The following ADGRA3 variants were observed in gnomAD, a reference collection of about 807,000 sequenced individuals.
The protein encoded by ADGRA3 is G-protein coupled receptor 125.
In ADGRA3, 56 loss-of-function variants were observed where a neutral mutation model predicts 119.8. The observed-to-expected ratio is 0.47, with a 90% CI of 0.38 to 0.58. The LOEUF (loss-of-function observed/expected upper bound fraction) is 0.58. Ranked by LOEUF, ADGRA3 falls within the 20% of genes least tolerant of loss-of-function variation. The pLI is 0.00. For synonymous variants in ADGRA3, 607 were observed against 623.8 expected (o/e 0.97, Z 0.40); for missense variants, 1,516 against 1,649.0 (o/e 0.92, Z 1.40).
chr4:22,458,136 T>C (rs887536542), intron 3 of ADGRA3, among the ~76,000 whole-genome samples: 5 of 152,174 alleles, frequency 3.3e-5, no homozygotes, highest in African/African-American at 4.8e-5. Context: ...GAAATAAAAA[T>C]CATTCAGCAT....
chr4:22,404,811 T>A (rs140686631), intron 14 of ADGRA3, among the ~76,000 whole-genome samples: 2 of 152,166 alleles, frequency 1.3e-5, no homozygotes, highest in African/African-American at 4.8e-5. Flanking sequence ...AGTAGGGAAA[T>A]TCAAAGAAAT....
chr4:22,433,390 C>CA (rs1404903517), intron 10 of ADGRA3, among the ~76,000 whole-genome samples: 1 of 152,112 alleles, frequency 6.6e-6, no homozygotes, highest in African/African-American at 2.4e-5. Flanking sequence ...AACTATTTTG[C>CA]AAAACTGTTC....
chr4:22,477,504 A>C (rs1277196385), intron 1 of ADGRA3: 1 of 152,226 alleles, frequency 6.6e-6, no homozygotes, highest in Middle Eastern at 3.2e-3. Flanking sequence ...GAACAGGGAA[A>C]TGAAAACTAC....
In ADGRA3 at chr4:22,461,952, A is replaced by G. The variant is rs1717477700; in HGVS notation, c.330-144T>C. The G allele has an allele frequency of 6.5e-6, 3 of 464,272 alleles. No homozygotes were observed. In the South Asian group the frequency reaches 1.6e-4, roughly 24 times the overall value. 28.8% of individuals were successfully genotyped at this position (464,272 alleles called of 1,614,324 possible). ...AGCCAAAAGGGTTAAGCCAAGATCA[A>G]CCCAGTAGTAAAAGGGAGAGTCAGA... On this transcript the variant is annotated intron_variant, in intron 2 of 18. Transcript: ENST00000334304.
chr4:22,460,020 C>T (rs889637684), intron 3 of ADGRA3, among the ~76,000 whole-genome samples: 1 of 152,174 alleles, frequency 6.6e-6, no homozygotes, highest in Non-Finnish European at 1.5e-5. Flanking sequence ...GATCAAAGAA[C>T]TAAACTACTG....
At chr4:22,463,386 A>G (rs1454642968) in intron 2 of ADGRA3, among the ~76,000 whole-genome samples, 1 of 152,222 alleles carries the variant, frequency 6.6e-6, no homozygotes, top group Admixed American at 6.5e-5. Context: ...GCCACCTGTC[A>G]GCACAACACT....
chr4:22,405,307 A>C (rs1255677471), intron 14 of ADGRA3, among the ~76,000 whole-genome samples: 1 of 152,178 alleles, frequency 6.6e-6, no homozygotes, highest in Admixed American at 6.5e-5. Flanking sequence ...GGGAGGCCCA[A>C]GGCAGGAGGA....
intron 10 of ADGRA3, among the ~76,000 whole-genome samples, chr4:22,425,030 G>A (rs888265088): frequency 2.0e-5 from 3 of 151,060 alleles, no homozygotes; most frequent in Non-Finnish European, 2.9e-5. Context: ...AGCCGAGATC[G>A]TGCCACTGCA....
chr4:22,493,960 T>C (rs1718719551), intron 1 of ADGRA3, among the ~76,000 whole-genome samples: 1 of 151,998 alleles, frequency 6.6e-6, no homozygotes, highest in African/African-American at 2.4e-5. Context: ...ATCCCAGCAC[T>C]TTGGGAGGCC....
At chr4:22,453,569 G>T (rs1717137211) in intron 4 of ADGRA3, among the ~76,000 whole-genome samples, 1 of 152,130 alleles carries the variant, frequency 6.6e-6, no homozygotes, top group Non-Finnish European at 1.5e-5. Flanking sequence ...TGAAATACAA[G>T]AAACATTCTA....
At position 22,390,337 on chromosome 4, in the gene ADGRA3, TAAA is replaced by T. The variant is rs1553871414; in HGVS notation, c.2628-1157_2628-1155del. Among the ~76,000 whole-genome samples, 279 of 89,050 alleles carry T rather than the reference TAAA, an allele frequency of 3.1e-3. 6 individuals are homozygous for T. The highest frequency in any genetic ancestry group is 0.011 in the African/African-American group (259 of 22,524). The allele number at this position is 89,050 out of a possible 152,430, so 58.4% of individuals were successfully genotyped here. A position where few individuals can be genotyped will look rare whatever the true frequency, so the allele number is the denominator to read the frequency against. On this transcript the variant is annotated intron_variant, in intron 17 of 18. Coordinates refer to ENST00000334304, the MANE Select transcript of ADGRA3 (RefSeq NM_145290.4). ...TCTACTGCTTATATATATATATATA[TAAA>T]ATACATATTATATATATATAATACG...
Position 22,387,975 on chromosome 4 carries a change from G to A in ADGRA3, c.3696C>T (p.Tyr1232=). The A allele has an allele frequency of 6.2e-7, 1 of 1,614,176 alleles. No homozygotes were observed. Among genetic ancestry groups the A allele is most frequent in the South Asian group, 1.1e-5 (1 of 91,092 alleles). The change falls in exon 19 of 19, where the codon TAC becomes TAT. Residue 1232 remains tyrosine (Y), a synonymous_variant. Coordinates refer to ENST00000334304, the MANE Select transcript of ADGRA3 (RefSeq NM_145290.4). ...RAYLAYRERQ[Y]NPPQQDSSDA... ...CGCTGCTGTCTTGCTGGGGTGGGTT[G>A]TACTGTCTCTCTCTGTAGGCTAAAT...
intron 17 of ADGRA3, among the ~76,000 whole-genome samples, chr4:22,391,921 C>T (rs939715264): frequency 6.6e-6 from 1 of 151,654 alleles, no homozygotes; most frequent in Non-Finnish European, 1.5e-5. Context: ...TTTCAAAGAA[C>T]CTATCTCCAC....
intron 1 of ADGRA3, among the ~76,000 whole-genome samples, chr4:22,498,451 T>C (rs1174359802): frequency 1.3e-5 from 2 of 151,508 alleles, no homozygotes; most frequent in African/African-American, 2.4e-5. Flanking sequence ...AAACCTCGTC[T>C]CTACTAAAAA....
Position 22,443,715 on chromosome 4 carries a change from TTA to T in ADGRA3, c.707-854_707-853del, listed in dbSNP as rs1325298346. On this transcript the variant is annotated intron_variant, in intron 6 of 18. Coordinates refer to ENST00000334304, the MANE Select transcript of ADGRA3 (RefSeq NM_145290.4). ...ACTTAAAAAAGGTTATAAAATATCA[TTA>T]GAGTGTAACGATATTTTGGTTAAAA... Among the ~76,000 whole-genome samples the T allele has an allele frequency of 2.6e-5, 4 of 152,140 alleles. No individual in the cohort carries two copies. The South Asian group carries it at 6.2e-4, about 24-fold the overall frequency.
intron 1 of ADGRA3, among the ~76,000 whole-genome samples, chr4:22,498,471 A>G (rs1417113561): frequency 6.6e-6 from 1 of 151,106 alleles, no homozygotes; most frequent in Non-Finnish European, 1.5e-5. Context: ...ATACAAAATT[A>G]GCAGGGCATG....
rs146362800 is a variant in ADGRA3 at position 22,467,242 on chromosome 4, G to A, written c.330-5434C>T. Reference sequence around the variant, plus strand: ...ATGGCATTGCCCTTTCAATTCTTCCGTATGTTTAAAATTCTTCATAATCAA... The same window carrying A: ...ATGGCATTGCCCTTTCAATTCTTCCATATGTTTAAAATTCTTCATAATCAA... On this transcript the variant is annotated intron_variant, in intron 2 of 18. Transcript: ENST00000334304. 1.6e-4 allele frequency among the ~76,000 whole-genome samples: 24 copies of A among 152,182 alleles called. No individual in the cohort carries two copies. In the East Asian group the frequency reaches 1.7e-3, roughly 11 times the overall value.
At chr4:22,486,011 A>T (rs1718421045) in intron 1 of ADGRA3, among the ~76,000 whole-genome samples, 1 of 152,090 alleles carries the variant, frequency 6.6e-6, no homozygotes, top group Admixed American at 6.5e-5. Context: ...CTGTTAAGAA[A>T]ATCCATTTTT....
At chr4:22,513,877 G>T (rs1719547718) in intron 1 of ADGRA3, among the ~76,000 whole-genome samples, 1 of 131,144 alleles carries the variant, frequency 7.6e-6, no homozygotes, top group Non-Finnish European at 1.5e-5. Context: ...AAAAAAAACT[G>T]GATTGAAATG....
Sources: gnomAD v4.1 joint callset for allele counts (sites outside exome capture counted in the v4.1 genomes callset) on GRCh38, gnomAD v4.1.1 for gene constraint, MANE v1.5 for transcripts, NCBI Gene and HGNC (gene_info 2026-07-23, HGNC 2026-07-21) for gene names.